The following ZNF318 variants were observed in gnomAD, a reference collection of about 807,000 sequenced individuals.
ZNF318 encodes endocrine regulator.
In ZNF318, 51 loss-of-function variants were observed where a neutral mutation model predicts 124.2. That is an observed-to-expected ratio of 0.41 (90% CI 0.33 to 0.52). The LOEUF (loss-of-function observed/expected upper bound fraction) is 0.52, where lower values mean the gene tolerates loss of function less well. Among genes scored for constraint, ZNF318 ranks in the 20% least tolerant of loss-of-function variants. The pLI is 0.23. For synonymous variants in ZNF318, 1,090 were observed against 1,040.7 expected, an observed-to-expected ratio of 1.05 and a Z score of -0.91; for missense variants, 2,815 against 2,811.2, an observed-to-expected ratio of 1.00 and a Z score of -0.03.
chr6:43,344,773 A>G (rs1239872034), intron 6 of ZNF318, among the ~76,000 whole-genome samples: 2 of 152,280 alleles, frequency 1.3e-5, no homozygotes, highest in Non-Finnish European at 2.9e-5. Context: ...TGACCAATAC[A>G]TATTTGTTAA....
At chr6:43,350,034 G>A (rs1327060014) in intron 5 of ZNF318, among the ~76,000 whole-genome samples, 9 of 152,194 alleles carry the variant, frequency 5.9e-5, no homozygotes, top group Non-Finnish European at 1.2e-4. Flanking sequence ...CGGATCACCT[G>A]AGGTCAGGAG....
intron 2 of ZNF318, among the ~76,000 whole-genome samples, chr6:43,364,825 C>T (rs1661591507): frequency 1.3e-5 from 2 of 152,226 alleles, no homozygotes; most frequent in Non-Finnish European, 2.9e-5. Context: ...ATCTACTTCA[C>T]ATACACACAT....
In ZNF318 at chr6:43,355,708, T is replaced by C. The variant is rs1246051590; in HGVS notation, c.1626A>G (p.Glu542=). 2 of 1,614,062 alleles carry C rather than the reference T, an allele frequency of 1.2e-6. No individual in the cohort carries two copies. Among genetic ancestry groups the C allele is most frequent in the Non-Finnish European group, 1.7e-6 (2 of 1,180,032 alleles). The change falls in exon 4 of 10, where the codon GAA becomes GAG. Residue 542 remains glutamate (E), a synonymous_variant. Coordinates refer to ENST00000361428, the MANE Select transcript of ZNF318 (RefSeq NM_014345.3). ...CGGATTCTGCCTTTAAATCCTCTTCTTCATCCCCATAGAGAAATTTCTCCT... is the reference window on the plus strand; with the variant it reads ...CGGATTCTGCCTTTAAATCCTCTTCCTCATCCCCATAGAGAAATTTCTCCT... ...EDEEKFLYGD[E]EEDLKAESVP...
Position 43,348,488 on chromosome 6 carries a change from G to T in ZNF318, c.2908C>A (p.Gln970Lys), listed in dbSNP as rs759299485. 1.9e-6 allele frequency: 3 copies of T among 1,613,974 alleles called. No homozygotes were observed. The highest frequency in any genetic ancestry group is 2.5e-6 in the Non-Finnish European group (3 of 1,180,040). The change falls in exon 6 of 10, where the codon CAA becomes AAA. Residue 970 changes from glutamine (Q) to lysine (K), a missense_variant. Coordinates refer to ENST00000361428, the MANE Select transcript of ZNF318 (RefSeq NM_014345.3). ...TGAGCCACTTTGTCCAGTTCAGATT[G>T]CTTCTTTTCTGCCTCTTCTGCCTCT... ...RQEAEEAEKK[Q>K]SELDKVAQIL... is the part of the protein sequence containing the mutation.
intron 5 of ZNF318, among the ~76,000 whole-genome samples, 180 bp from the exon 6 acceptor site, chr6:43,348,805 G>A (rs147867665): frequency 6.6e-6 from 1 of 152,160 alleles, no homozygotes; most frequent in African/African-American, 2.4e-5. Context: ...AGACCAAGGC[G>A]GGTGACTACT....
In ZNF318 at chr6:43,337,996, A is replaced by G. The variant is rs1043974467; in HGVS notation, c.6002T>C (p.Phe2001Ser). The G allele has an allele frequency of 1.2e-6, 2 of 1,613,988 alleles. No individual in the cohort carries two copies. Among genetic ancestry groups the G allele is most frequent in the Non-Finnish European group, 1.7e-6 (2 of 1,180,028 alleles). Residue 2001 changes from phenylalanine (F) to serine (S), a missense_variant, in exon 10 of 10, where the codon TTT (phenylalanine) becomes TCT (serine). By Grantham distance (155) the Phe-to-Ser change is radical. Around this residue, in one of 4 missense-constraint regions of ZNF318, gnomAD observed 927 missense variants for 820.6 expected, o/e 1.13. Transcript: ENST00000361428. Reference sequence around the variant, plus strand: ...CTCTACCTTTAAGTCTGTAGCTTCAAAGTCTTCTAGGGCCTTGCTTTCTAT... The same window carrying G: ...CTCTACCTTTAAGTCTGTAGCTTCAGAGTCTTCTAGGGCCTTGCTTTCTAT... ...VTIESKALED[F>S]EATDLKVEEL... is the part of the protein sequence containing the mutation.
chr6:43,348,716 G>A, intron 5 of ZNF318, 91 bp from the exon 6 acceptor site: 1 of 1,417,908 alleles, frequency 7.1e-7, no homozygotes, highest in Non-Finnish European at 9.5e-7. Flanking sequence ...GGGCTTTATG[G>A]TTACAAAGTC....
chr6:43,363,805 G>A (rs1339171466), intron 2 of ZNF318: 11 of 862,186 alleles, frequency 1.3e-5, no homozygotes, highest in African/African-American at 6.6e-5. Context: ...TGTTGCCATC[G>A]GGGACTACAA....
Position 43,340,376 on chromosome 6 carries a change from G to A in ZNF318, c.3622C>T (p.Pro1208Ser), listed in dbSNP as rs781244576. 3.1e-6 allele frequency: 5 copies of A among 1,613,336 alleles called. No homozygotes were observed. The highest frequency in any genetic ancestry group is 2.7e-5 in the African/African-American group (2 of 74,676). ...TTTTTTTCTTTCTTCTCCTCCTTTG[G>A]TTTCTCACTAAGTTTGCGCTTTAGC... ...SELKRKLSEK[P>S]KEEKKEKKAK... Residue 1208 changes from proline (P) to serine (S), a missense_variant, in exon 10 of 10, where the codon CCA (proline) becomes TCA (serine). Transcript: ENST00000361428.
In ZNF318 at chr6:43,368,992, T is replaced by A; in HGVS notation, c.374A>T (p.Asp125Val). The change falls in exon 1 of 10, where the codon GAC becomes GTC. Residue 125 changes from aspartate to valine, a missense_variant. Around this residue, in one of 4 missense-constraint regions of ZNF318, gnomAD observed 1,377 missense variants for 1,353.5 expected, o/e 1.02. Coordinates refer to ENST00000361428, the MANE Select transcript of ZNF318 (RefSeq NM_014345.3). ...CCGGCTGCCGCTGTCGCCTGGATGG[T>A]CTCCGCGGCCGTCCCGGGCATAGTC... is the stretch of plus-strand genomic sequence containing the variant. ...RADYARDGRG[D>V]HPGDSGSRRR... 1 of 1,433,942 alleles carries A rather than the reference T, an allele frequency of 7.0e-7. No homozygotes were observed. The highest frequency in any genetic ancestry group is 1.3e-5 in the South Asian group (1 of 74,214). The allele number at this position is 1,433,942 out of a possible 1,614,324, so 88.8% of individuals were successfully genotyped here. A position where few individuals can be genotyped will look rare whatever the true frequency, so the allele number is the denominator to read the frequency against.
chr6:43,337,425 G>C lies in ZNF318; in HGVS notation c.6573C>G (p.Leu2191=), dbSNP rs1424511185. The change falls in exon 10 of 10, where the codon CTC becomes CTG. Residue 2191 remains leucine, a synonymous_variant. Coordinates refer to ENST00000361428, the MANE Select transcript of ZNF318 (RefSeq NM_014345.3). ...GVQKDKLCSP[L]SEPGDPSKCS... ...ATTTAGAAGGGTCACCTGGCTCAGA[G>C]AGTGGAGAACACAGTTTATCTTTTT... The C allele has an allele frequency of 3.7e-6, 6 of 1,614,212 alleles. No homozygotes were observed. Among genetic ancestry groups the C allele is most frequent in the African/African-American group, 1.3e-5 (1 of 75,050 alleles).
At chr6:43,368,889 C>T (rs1410744686) in intron 1 of ZNF318, 78 bp downstream of exon 1, 7 of 1,274,626 alleles carry the variant, frequency 5.5e-6, no homozygotes. Context: ...TCTGGAGGCC[C>T]CGGGCGTTTC....
chr6:43,338,895 A>G lies in ZNF318; in HGVS notation c.5103T>C (p.Ser1701=). ...TACTAGTGTCACTCTGGAAGGAACT[A>G]GAGGTCCATATGGCCAAAGTGTCTG... ...PKTDTLAIWT[S]SSFQSDTSRD... is the part of the protein sequence containing the mutation. The change falls in exon 10 of 10, where the codon TCT becomes TCC. Residue 1701 remains serine (S), a synonymous_variant. Transcript: ENST00000361428. The G allele has an allele frequency of 6.2e-7, 1 of 1,614,110 alleles. No homozygotes were observed. Among genetic ancestry groups the G allele is most frequent in the Non-Finnish European group, 8.5e-7 (1 of 1,180,038 alleles).
chr6:43,351,760 CA>C (rs373851813), intron 5 of ZNF318, among the ~76,000 whole-genome samples: 161 of 125,174 alleles, frequency 1.3e-3, no homozygotes, highest in Non-Finnish European at 1.2e-3. Flanking sequence ...GGCTCCATCT[CA>C]AAAAAAAAAA....
At chr6:43,340,933 G>C in intron 8 of ZNF318, 25 bp from the exon 9 acceptor site, 1 of 1,549,040 alleles carries the variant, frequency 6.5e-7, no homozygotes, top group Non-Finnish European at 8.9e-7. Flanking sequence ...AAAAAGTCAA[G>C]GAAATAAGTC....
intron 5 of ZNF318, among the ~76,000 whole-genome samples, 194 bp downstream of exon 5, chr6:43,352,183 T>TC (rs1562132293): frequency 9.1e-6 from 1 of 110,386 alleles, no homozygotes; most frequent in African/African-American, 4.9e-5. Flanking sequence ...ATCATCATCA[T>TC]CACCACCACC....
chr6:43,348,045 G>A (rs1400597384), intron 6 of ZNF318, among the ~76,000 whole-genome samples: 1 of 152,186 alleles, frequency 6.6e-6, no homozygotes, highest in Non-Finnish European at 1.5e-5. Context: ...GTATATACAA[G>A]TTCTGAGAAG....
At chr6:43,350,903 G>A (rs1293272061) in intron 5 of ZNF318, among the ~76,000 whole-genome samples, 2 of 152,304 alleles carry the variant, frequency 1.3e-5, no homozygotes, top group African/African-American at 2.4e-5. Flanking sequence ...AAAGTCTGAG[G>A]AGTAACTGAA....
intron 2 of ZNF318, chr6:43,363,952 G>A (rs1042720532): frequency 2.7e-5 from 18 of 676,602 alleles, no homozygotes; most frequent in South Asian, 1.3e-4. Context: ...GCCCCACACC[G>A]TTCCTTGCAA....
Sources: gnomAD v4.1 joint callset for allele counts (sites outside exome capture counted in the v4.1 genomes callset) on GRCh38, gnomAD v4.1.1 for gene constraint, gnomAD v4.1.1 regional missense constraint, MANE v1.5 for transcripts, NCBI Gene and HGNC (gene_info 2026-07-23, HGNC 2026-07-21) for gene names.